Variants in MYO18B observed in about 807,000 individuals in gnomAD.
MYO18B encodes unconventional myosin-XVIIIb.
Under a neutral mutation model 273.0 loss-of-function variants are expected in MYO18B, and 204 were observed. That is an observed-to-expected ratio of 0.75 (90% CI 0.67 to 0.84). The LOEUF is 0.84. MYO18B is among the 40% of genes least tolerant of loss of function. MYO18B has a pLI of 0.00. For missense variants in MYO18B, 3,212 were observed against 3,287.6 expected, an observed-to-expected ratio of 0.98 and a Z score of 0.56; for synonymous variants, 1,330 against 1,305.7, an observed-to-expected ratio of 1.02 and a Z score of -0.40.
At chr22:25,981,739 T>C (rs1018242549) in intron 39 of MYO18B, among the ~76,000 whole-genome samples, 107 of 152,340 alleles carry the variant, frequency 7.0e-4, no homozygotes, top group African/African-American at 2.5e-3. Context: ...AGTGAGACCC[T>C]GTGTCTAAAG....
intron 12 of MYO18B, among the ~76,000 whole-genome samples, chr22:25,798,606 C>A (rs759697208): frequency 1.1e-4 from 16 of 151,868 alleles, no homozygotes; most frequent in Non-Finnish European, 1.3e-4. Flanking sequence ...CATTGTTGTT[C>A]AGGGCAGTAG....
At chr22:25,966,605 T>A (rs1486920926) in intron 39 of MYO18B, among the ~76,000 whole-genome samples, 1 of 152,180 alleles carries the variant, frequency 6.6e-6, no homozygotes, top group Non-Finnish European at 1.5e-5. Context: ...CCAACACGCT[T>A]ATAAACTCTG....
At chr22:25,769,663 G>T (rs569135143) in intron 4 of MYO18B, among the ~76,000 whole-genome samples, 1 of 152,300 alleles carries the variant, frequency 6.6e-6, no homozygotes, top group African/African-American at 2.4e-5. Flanking sequence ...TCCCCACAGA[G>T]TGAGGGAAGG....
intron 42 of MYO18B, among the ~76,000 whole-genome samples, chr22:26,010,380 GT>G (rs1397438405): frequency 6.6e-6 from 1 of 152,120 alleles, no homozygotes; most frequent in Non-Finnish European, 1.5e-5. Flanking sequence ...GCAGAAGCAT[GT>G]GGTGGGCTCA....
At chr22:25,876,539 G>T (rs2091204519) in intron 24 of MYO18B, among the ~76,000 whole-genome samples, 1 of 152,178 alleles carries the variant, frequency 6.6e-6, no homozygotes, top group South Asian at 2.1e-4. Context: ...TCTCTAGGCT[G>T]TGGGTGTTTA....
chr22:25,848,890 T>C (rs1253751626), intron 20 of MYO18B, among the ~76,000 whole-genome samples: 2 of 152,064 alleles, frequency 1.3e-5, no homozygotes, highest in Admixed American at 1.3e-4. Flanking sequence ...AGTGCCCTAG[T>C]GTATGGTCGC....
At chr22:25,882,644 T>C (rs955785776) in intron 25 of MYO18B, among the ~76,000 whole-genome samples, 3 of 152,236 alleles carry the variant, frequency 2.0e-5, no homozygotes, top group Admixed American at 2.0e-4. Flanking sequence ...GACTGAGTAT[T>C]ATGATGACTT....
At chr22:25,999,654 C>CCTCCTCCTCCTCCTCCTCCTCCTCCTT (rs1555986339) in intron 40 of MYO18B, among the ~76,000 whole-genome samples, 1 of 139,330 alleles carries the variant, frequency 7.2e-6, no homozygotes, top group Non-Finnish European at 1.5e-5. Flanking sequence ...TCCTCCTTCT[C>CCTCCTCCTCCTCCTCCTCCTCCTCCTT]CTCCTCCTCC....
intron 25 of MYO18B, 50 bp from the exon 26 acceptor site, chr22:25,890,706 G>C (rs1342738502): frequency 6.2e-7 from 1 of 1,603,696 alleles, no homozygotes; most frequent in Non-Finnish European, 8.5e-7. Context: ...GAGAAGGGTT[G>C]GTGGCTCCAT....
At chr22:25,848,727 C>T (rs1463539393) in intron 20 of MYO18B, among the ~76,000 whole-genome samples, 1 of 152,152 alleles carries the variant, frequency 6.6e-6, no homozygotes, top group Non-Finnish European at 1.5e-5. Context: ...TTCTTTTCTG[C>T]CTCTCAGTCT....
chr22:26,001,861 A>C (rs1227748269), intron 40 of MYO18B, among the ~76,000 whole-genome samples: 2 of 152,228 alleles, frequency 1.3e-5, no homozygotes, highest in Admixed American at 1.3e-4. Context: ...CAGGGTAAAT[A>C]GTAAACAAGA....
At chr22:25,952,643 A>C (rs528435732) in intron 38 of MYO18B, among the ~76,000 whole-genome samples, 10 of 151,772 alleles carry the variant, frequency 6.6e-5, no homozygotes, top group Admixed American at 6.6e-4. Flanking sequence ...ATGTCTCTCC[A>C]TCTCCTTCCA....
intron 39 of MYO18B, among the ~76,000 whole-genome samples, chr22:25,962,587 AG>A (rs2092929635): frequency 6.6e-6 from 1 of 152,188 alleles, no homozygotes; most frequent in Non-Finnish European, 1.5e-5. Flanking sequence ...TGGATGGACT[AG>A]GGACTGTGCC....
At chr22:25,822,788 G>A (rs1293772787) in intron 12 of MYO18B, among the ~76,000 whole-genome samples, 2 of 152,262 alleles carry the variant, frequency 1.3e-5, no homozygotes, top group African/African-American at 4.8e-5. Context: ...TCCGCATGAA[G>A]AGGTCGTGAT....
chr22:25,750,202 A>C (rs904302752), intron 1 of MYO18B, among the ~76,000 whole-genome samples: 2 of 152,126 alleles, frequency 1.3e-5, no homozygotes, highest in Admixed American at 1.3e-4. Context: ...GAGGGGAGAG[A>C]GTGGAGAGAA....
rs1441052216 is a variant in MYO18B, at chr22:25,871,684, G to T, written c.3952-2602G>T. ...TTTTCTTCGTGATTTTTCAGCCTCT[G>T]GCGCCTTATCAAGGCTTGTGCTGAG... On this transcript the variant is annotated intron_variant, in intron 22 of 43. Coordinates refer to ENST00000335473, the MANE Select transcript of MYO18B (RefSeq NM_032608.7). Among the ~76,000 whole-genome samples the T allele has an allele frequency of 3.3e-5, 5 of 152,282 alleles. No homozygotes were observed. In the South Asian group the frequency reaches 6.2e-4, roughly 19 times the overall value.
intron 34 of MYO18B, among the ~76,000 whole-genome samples, chr22:25,934,670 A>G (rs1452577243): frequency 6.6e-6 from 1 of 152,188 alleles, no homozygotes; most frequent in Non-Finnish European, 1.5e-5. Flanking sequence ...GGACGGCTCA[A>G]AGCTGGGAGG....
intron 12 of MYO18B, among the ~76,000 whole-genome samples, chr22:25,816,872 G>A (rs1166550205): frequency 2.0e-5 from 3 of 152,132 alleles, no homozygotes; most frequent in Non-Finnish European, 4.4e-5. Context: ...CTTCCTCACA[G>A]GCCTCCGAAT....
At chr22:25,769,590 C>T (rs143380808) in intron 4 of MYO18B, among the ~76,000 whole-genome samples, 162 bp downstream of exon 4, 29 of 152,258 alleles carry the variant, frequency 1.9e-4, no homozygotes, top group East Asian at 9.7e-4. Flanking sequence ...GAGGAGGGGA[C>T]GAGCACTTCC....
Sources: gnomAD v4.1 joint callset for allele counts (sites outside exome capture counted in the v4.1 genomes callset) on GRCh38, gnomAD v4.1.1 for gene constraint, MANE v1.5 for transcripts, NCBI Gene and HGNC (gene_info 2026-07-23, HGNC 2026-07-21) for gene names.